The following HNRNPF variants were observed in gnomAD, a reference collection of about 807,000 sequenced individuals.
HNRNPF encodes HnRNP F protein.
A neutral mutation model predicts 26.0 loss-of-function variants in HNRNPF; 2 were observed. That is an observed-to-expected ratio of 0.08 (90% CI 0.03 to 0.24). The LOEUF is 0.24. HNRNPF is among the 10% of genes least tolerant of loss of function. HNRNPF has a pLI of 1.00. For missense variants in HNRNPF, 299 were observed against 539.2 expected (o/e 0.55, Z 4.41); for synonymous variants, 234 against 211.5 (o/e 1.11, Z -0.92).
chr10:43,395,478 G>A (rs1206461107), intron 2 of HNRNPF, among the ~76,000 whole-genome samples: 1 of 152,124 alleles, frequency 6.6e-6, no homozygotes, highest in East Asian at 1.9e-4. Context: ...TTGGAAATGT[G>A]GAATTAGTAA....
At chr10:43,403,147 G>C (rs567042720) in intron 1 of HNRNPF, among the ~76,000 whole-genome samples, 1 of 152,134 alleles carries the variant, frequency 6.6e-6, no homozygotes, top group Admixed American at 6.5e-5. Context: ...TCCTGCCTCA[G>C]CCTGGGATTA....
intron 1 of HNRNPF, among the ~76,000 whole-genome samples, chr10:43,406,899 C>T (rs2131994713): frequency 6.6e-6 from 1 of 152,212 alleles, no homozygotes; most frequent in African/African-American, 2.4e-5. Context: ...CAATCTCTCT[C>T]TTAATATTCA....
intron 1 of HNRNPF, chr10:43,397,439 G>C (rs1429898925): frequency 6.6e-6 from 1 of 152,370 alleles, no homozygotes; most frequent in Admixed American, 6.5e-5. Flanking sequence ...ATTTCTCCGA[G>C]TTCTCCCGAA....
Position 43,387,699 on chromosome 10 carries a change from T to A in HNRNPF, c.186A>T (p.Gly62=). The A allele has an allele frequency of 5.6e-6, 9 of 1,614,088 alleles. 1 individual carries two copies. In the South Asian group the frequency reaches 9.9e-5, roughly 18 times the overall value. ...GGGCCATTTTTACATCATCTTCTGA[T>A]CCAAGTTCAACAAAAGCCTCACCAC... ...RQSGEAFVEL[G]SEDDVKMALK... Residue 62 remains glycine, a synonymous_variant, in exon 4 of 4, where the codon GGA becomes GGT. Coordinates refer to ENST00000682386, the MANE Select transcript of HNRNPF (RefSeq NM_001098204.2). This position sits in a 1 kb window ranked among gnomAD's most constrained non-coding sequence, Gnocchi z 6.0.
intron 2 of HNRNPF, among the ~76,000 whole-genome samples, chr10:43,394,952 C>T (rs1838412496): frequency 6.6e-6 from 1 of 152,120 alleles, no homozygotes. Context: ...GCCTCAGTAC[C>T]TGGTATTACA....
chr10:43,394,691 A>T lies in HNRNPF; in HGVS notation c.-111-3T>A, dbSNP rs1162525501. ...CTTCTGGATGGTAATGAAATGTCCT[A>T]AAAAAAAAACAGAGCGATATTGGCT... On this transcript the variant is annotated splice_region_variant and splice_polypyrimidine_tract_variant and intron_variant, in intron 2 of 3. Transcript: ENST00000682386. 2.7e-5 allele frequency: 4 copies of T among 146,804 alleles called. No individual in the cohort carries two copies. The highest frequency in any genetic ancestry group is 3.5e-3 in the Middle Eastern group (1 of 284). The allele number at this position is 146,804 out of a possible 1,614,324, so 9.1% of individuals were successfully genotyped here. A position where few individuals can be genotyped will look rare whatever the true frequency, so the allele number is the denominator to read the frequency against.
chr10:43,395,614 A>G (rs184521500), intron 2 of HNRNPF, among the ~76,000 whole-genome samples: 14 of 152,324 alleles, frequency 9.2e-5, no homozygotes, highest in Admixed American at 3.3e-4. Flanking sequence ...AAAGCATTAC[A>G]TTTATTAGGA....
chr10:43,405,811 G>C (rs780482832), intron 1 of HNRNPF, among the ~76,000 whole-genome samples: 5 of 152,156 alleles, frequency 3.3e-5, no homozygotes, highest in African/African-American at 4.8e-5. Context: ...TTATTGGTCT[G>C]GGATTTGCTG....
At chr10:43,400,931 A>C (rs1293614425) in intron 1 of HNRNPF, among the ~76,000 whole-genome samples, 1 of 152,172 alleles carries the variant, frequency 6.6e-6, no homozygotes, top group African/African-American at 2.4e-5. Context: ...AAAATACAAA[A>C]ATTAGCCAAA....
chr10:43,390,286 C>G (rs1284719831), intron 3 of HNRNPF, among the ~76,000 whole-genome samples: 3 of 152,192 alleles, frequency 2.0e-5, no homozygotes, highest in African/African-American at 7.2e-5. Context: ...AACACTGGGT[C>G]AGGCTAGGCA....
Position 43,396,460 on chromosome 10 carries a change from G to C in HNRNPF, c.-116C>G, listed in dbSNP as rs1245309214. The C allele has an allele frequency of 1.3e-5, 2 of 152,256 alleles. No homozygotes were observed. The highest frequency in any genetic ancestry group is 2.9e-5 in the Non-Finnish European group (2 of 68,096). The allele number at this position is 152,256 out of a possible 1,614,324, so 9.4% of individuals were successfully genotyped here. On this transcript the variant is annotated 5_prime_UTR_variant, in exon 2 of 4. Transcript: ENST00000682386. ...ACTTTCATGCTCTAGACTTACCACG[G>C]AGGCGAGCAGGACTGGTTTCTGTTG...
intron 1 of HNRNPF, among the ~76,000 whole-genome samples, chr10:43,401,949 AG>A (rs1374484662): frequency 2.0e-5 from 3 of 152,194 alleles, no homozygotes; most frequent in Non-Finnish European, 4.4e-5. Flanking sequence ...GGAATTGTGC[AG>A]AACAGAGAGA....
At chr10:43,398,210 G>C (rs935013485) in intron 1 of HNRNPF, among the ~76,000 whole-genome samples, 3 of 152,110 alleles carry the variant, frequency 2.0e-5, no homozygotes, top group African/African-American at 7.2e-5. Flanking sequence ...GTTTTTAGTA[G>C]AGATGTGGTT....
rs1805149834 is a variant in HNRNPF, at chr10:43,386,561, T to TATTTTATAA, written c.*75_*76insTTATAAAAT. On this transcript the variant is annotated 3_prime_UTR_variant, in exon 4 of 4. Transcript: ENST00000682386. ...GTGCAAAATGGGTCCCCCAGCTTCC[T>TATTTTATAA]CTATTATAACTGCTCTTAATTGCTT... 1 of 1,355,564 alleles carries TATTTTATAA rather than the reference T, an allele frequency of 7.4e-7. No homozygotes were observed. The highest frequency in any genetic ancestry group is 1.5e-5 in the African/African-American group (1 of 68,740). The allele number at this position is 1,355,564 out of a possible 1,614,324, so 84.0% of individuals were successfully genotyped here.
In HNRNPF at chr10:43,405,838, G is replaced by A. The variant is rs377236704; in HGVS notation, c.-247+3293C>T. 3.5e-4 allele frequency among the ~76,000 whole-genome samples: 53 copies of A among 152,182 alleles called. 1 individual carries two copies. Among genetic ancestry groups the A allele is most frequent in the Middle Eastern group, 3.4e-3 (1 of 292 alleles). On this transcript the variant is annotated intron_variant, in intron 1 of 3. Coordinates refer to ENST00000682386, the MANE Select transcript of HNRNPF (RefSeq NM_001098204.2). ...GATTTGCTGTAAAATAAGCCAGGGC[G>A]GTCTTGGCTGAGCTCAGTTCTCCCT...
rs1211422949 is a variant in HNRNPF, at chr10:43,385,872, C to G, written c.*765G>C. 6.6e-6 allele frequency: 1 copy of G among 152,548 alleles called. No homozygotes were observed. Among genetic ancestry groups the G allele is most frequent in the Non-Finnish European group, 1.5e-5 (1 of 68,020 alleles). 9.4% of individuals were successfully genotyped at this position (152,548 alleles called of 1,614,324 possible). On this transcript the variant is annotated 3_prime_UTR_variant, in exon 4 of 4. Transcript: ENST00000682386. ...TCACATATTTAACATTTTTATTAGA[C>G]TTTTATTTAGCCTCATCATAAGAAT...
rs1280559223 is a variant in HNRNPF at position 43,386,732 on chromosome 10, C to T, written c.1153G>A (p.Ala385Thr). 2 of 1,614,158 alleles carry T rather than the reference C, an allele frequency of 1.2e-6. No homozygotes were observed. The highest frequency in any genetic ancestry group is 3.3e-5 in the Admixed American group (2 of 60,026). ...TCCAGGCCACTGTAAGTGGCCTGGG[C>T]AGCAGACACCCCCATGCCTTGCATC... ...QVMQGMGVSA[A>T]QATYSGLESQ... Residue 385 changes from alanine to threonine, a missense_variant, in exon 4 of 4, where the codon GCC becomes ACC. Physicochemically the swap from Ala to Thr is moderately conservative, Grantham distance 58 (BLOSUM62 0). Around this residue, in one of 6 missense-constraint regions of HNRNPF, gnomAD observed 53 missense variants for 72.4 expected, o/e 0.73. Coordinates refer to ENST00000682386, the MANE Select transcript of HNRNPF (RefSeq NM_001098204.2).
intron 1 of HNRNPF, chr10:43,396,793 CGGGCGGGAGCTTCCGGGCGG>C (rs1202833926): frequency 1.3e-5 from 2 of 150,472 alleles, no homozygotes; most frequent in African/African-American, 4.9e-5. Flanking sequence ...TGCGCGGGCT[CGGGCGGGAGCTTCCGGGCGG>C]GGGGCGGAGC....
intron 1 of HNRNPF, chr10:43,408,591 G>C (rs761727587): frequency 5.3e-5 from 8 of 152,046 alleles, no homozygotes. Flanking sequence ...CAGGTAGTCC[G>C]GGTACGGGGC....
Sources: allele counts gnomAD v4.1 joint callset (sites outside exome capture counted in the v4.1 genomes callset), GRCh38; gene constraint gnomAD v4.1.1; regional missense constraint gnomAD v4.1.1; non-coding constraint Gnocchi (gnomAD v3.1); transcripts MANE v1.5; gene names NCBI Gene and HGNC (gene_info 2026-07-23, HGNC 2026-07-21).